The following GBP6 variants were observed in gnomAD, a reference collection of about 807,000 sequenced individuals.
The protein encoded by GBP6 is guanylate-binding protein 6.
Under a neutral mutation model 61.5 loss-of-function variants are expected in GBP6, and 54 were observed. The ratio of observed to expected loss-of-function variants is 0.88; its 90% CI spans 0.71 to 1.10. The LOEUF (loss-of-function observed/expected upper bound fraction) is 1.10, where lower values mean the gene tolerates loss of function less well. Ranked by LOEUF, GBP6 falls within the 50% of genes least tolerant of loss-of-function variation. The pLI is 0.00. For synonymous variants in GBP6, 255 were observed against 273.7 expected, an observed-to-expected ratio of 0.93 and a Z score of 0.67; for missense variants, 748 against 752.8, an observed-to-expected ratio of 0.99 and a Z score of 0.07.
intron 3 of GBP6, among the ~76,000 whole-genome samples, chr1:89,375,653 A>T (rs1250008292): frequency 6.6e-6 from 1 of 152,032 alleles, no homozygotes; most frequent in Non-Finnish European, 1.5e-5. Context: ...TTTGGATATT[A>T]GCCCCTTATC....
intron 3 of GBP6, among the ~76,000 whole-genome samples, chr1:89,373,793 A>G (rs1018914079): frequency 2.4e-4 from 36 of 152,076 alleles, no homozygotes; most frequent in Non-Finnish European, 4.3e-4. Flanking sequence ...GTGCACATGT[A>G]CCCTAGAACT....
chr1:89,387,249 A>G lies in GBP6; in HGVS notation c.*1780A>G, dbSNP rs1653168712. On this transcript the variant is annotated 3_prime_UTR_variant, in exon 11 of 11. Transcript: ENST00000370456. ...ATCCATATACTAGGGAAATACAAAC[A>G]CCCAAATATTTCAAGGACCCTTGGA... 6.6e-6 allele frequency among the ~76,000 whole-genome samples: 1 copy of G among 152,040 alleles called. No homozygotes were observed. The highest frequency in any genetic ancestry group is 1.5e-5 in the Non-Finnish European group (1 of 68,008).
intron 3 of GBP6, among the ~76,000 whole-genome samples, chr1:89,374,346 TATATTTAAATATTCATACTTCC>T (rs1156233997): frequency 1.3e-5 from 2 of 152,230 alleles, no homozygotes; most frequent in Non-Finnish European, 2.9e-5. Context: ...TTATTATGGA[TATATTTAAATATTCATACTTCC>T]ATATTTAAAT....
chr1:89,378,216 T>C lies in GBP6; in HGVS notation c.428+4T>C. 2 of 1,607,402 alleles carry C rather than the reference T, an allele frequency of 1.2e-6. No homozygotes were observed. Among genetic ancestry groups the C allele is most frequent in the South Asian group, 2.2e-5 (2 of 89,832 alleles). ...ACCAGGCCCTGGAGCAGCTGCAGTATCCTTCCAGGAACAGAACAGAACCAC... is the reference window on the plus strand; with the variant it reads ...ACCAGGCCCTGGAGCAGCTGCAGTACCCTTCCAGGAACAGAACAGAACCAC... On this transcript the variant is annotated splice_donor_region_variant and intron_variant, in intron 4 of 10. Coordinates refer to ENST00000370456, the MANE Select transcript of GBP6 (RefSeq NM_198460.3).
At chr1:89,380,755 A>T in intron 6 of GBP6, 124 bp downstream of exon 6, 1 of 814,946 alleles carries the variant, frequency 1.2e-6, no homozygotes, top group Non-Finnish European at 1.9e-6. Context: ...ATTCACACTC[A>T]GTGAAGAAAT....
chr1:89,376,870 G>A (rs1378390263), intron 3 of GBP6, among the ~76,000 whole-genome samples: 1 of 151,958 alleles, frequency 6.6e-6, no homozygotes, highest in East Asian at 1.9e-4. Context: ...AATGTCTTTG[G>A]GATTTTTATA....
At chr1:89,369,472 G>A in intron 2 of GBP6, 74 bp from the exon 3 acceptor site, 2 of 1,547,726 alleles carry the variant, frequency 1.3e-6, no homozygotes, top group Non-Finnish European at 1.7e-6. Context: ...AATCCAACCA[G>A]TCTGATGCTG....
At chr1:89,367,146 C>G (rs763351634) in intron 1 of GBP6, among the ~76,000 whole-genome samples, 14 of 152,070 alleles carry the variant, frequency 9.2e-5, no homozygotes, top group Admixed American at 6.6e-5. Context: ...TGAGTCCCTG[C>G]CTTTAATTTT....
intron 1 of GBP6, among the ~76,000 whole-genome samples, chr1:89,365,809 C>T (rs1652452980): frequency 6.6e-6 from 1 of 152,162 alleles, no homozygotes; most frequent in African/African-American, 2.4e-5. Flanking sequence ...AGCTTGACCT[C>T]CTTGGTCAAG....
At position 89,381,859 on chromosome 1, in the gene GBP6, C is replaced by T. The variant is rs1466492418; in HGVS notation, c.1037C>T (p.Thr346Ile). 6.2e-7 allele frequency: 1 copy of T among 1,614,146 alleles called. No homozygotes were observed. Residue 346 changes from threonine to isoleucine, a missense_variant, in exon 7 of 11, where the codon ACA (threonine) becomes ATA (isoleucine). Thr to Ile is a moderately conservative substitution (Grantham distance 89). Coordinates refer to ENST00000370456, the MANE Select transcript of GBP6 (RefSeq NM_198460.3). Reference protein sequence around the residue: ...QQMAQRVKLPTDTLQELLDMH... With the variant: ...QQMAQRVKLPIDTLQELLDMH... ...ATGGCCCAGCGAGTGAAGCTCCCCACAGACACGCTCCAGGAGCTGCTGGAC... is the reference window on the plus strand; with the variant it reads ...ATGGCCCAGCGAGTGAAGCTCCCCATAGACACGCTCCAGGAGCTGCTGGAC...
rs180752467 is a variant in GBP6, at chr1:89,366,323, C to T, written c.-24+2196C>T. Among the ~76,000 whole-genome samples, 80 of 152,228 alleles carry T rather than the reference C, an allele frequency of 5.3e-4. No homozygotes were observed. In the Middle Eastern group the frequency reaches 0.017, roughly 32 times the overall value. On this transcript the variant is annotated intron_variant, in intron 1 of 10. Coordinates refer to ENST00000370456, the MANE Select transcript of GBP6 (RefSeq NM_198460.3). ...CAGAGAACCTGACCCTTCTAGGCTA[C>T]GTATTTCAGCCTGTACTTGAATTCT...
chr1:89,386,849 C>T lies in GBP6; in HGVS notation c.*1380C>T, dbSNP rs961111607. ...AACCCCCTGATGGGGGATGATAGAC[C>T]CAGACACATAGAGGCCTGGTGTTGA... On this transcript the variant is annotated 3_prime_UTR_variant, in exon 11 of 11. Coordinates refer to ENST00000370456, the MANE Select transcript of GBP6 (RefSeq NM_198460.3). 6.6e-6 allele frequency among the ~76,000 whole-genome samples: 1 copy of T among 152,074 alleles called. No homozygotes were observed. Among genetic ancestry groups the T allele is most frequent in the African/African-American group, 2.4e-5 (1 of 41,402 alleles).
chr1:89,372,353 C>T (rs1486846930), intron 3 of GBP6, among the ~76,000 whole-genome samples: 1 of 152,188 alleles, frequency 6.6e-6, no homozygotes, highest in East Asian at 1.9e-4. Flanking sequence ...CCCACATTGC[C>T]AAGACAGTCC....
intron 10 of GBP6, among the ~76,000 whole-genome samples, chr1:89,384,853 C>T (rs1022725554): frequency 6.6e-6 from 1 of 152,064 alleles, no homozygotes; most frequent in African/African-American, 2.4e-5. Context: ...TGAAAGTTCT[C>T]TCATAAGGGA....
At chr1:89,377,849 G>C (rs1194789822) in intron 3 of GBP6, among the ~76,000 whole-genome samples, 1 of 152,130 alleles carries the variant, frequency 6.6e-6, no homozygotes, top group Non-Finnish European at 1.5e-5. Flanking sequence ...TATTGTACTA[G>C]TTTTTCCATA....
intron 2 of GBP6, among the ~76,000 whole-genome samples, chr1:89,369,256 T>C (rs1652551766): frequency 6.6e-6 from 1 of 152,226 alleles, no homozygotes; most frequent in South Asian, 2.1e-4. Context: ...TCTCTGACTT[T>C]GAACCCCACC....
intron 3 of GBP6, among the ~76,000 whole-genome samples, chr1:89,371,871 A>C (rs951586362): frequency 2.0e-5 from 3 of 152,210 alleles, no homozygotes; most frequent in Admixed American, 6.5e-5. Context: ...AGGAAGTCAA[A>C]TTGTCCCTGT....
chr1:89,378,114 G>A lies in GBP6; in HGVS notation c.330G>A (p.Lys110=). The change falls in exon 4 of 11, where the codon AAG becomes AAA. Residue 110 remains lysine, a synonymous_variant. Coordinates refer to ENST00000370456, the MANE Select transcript of GBP6 (RefSeq NM_198460.3). ...GLGDVEKGDP[K]NDSWIFALAV... Reference sequence around the variant, plus strand: ...AATGTGCTTTTTAGGGTGACCCTAAGAATGACTCCTGGATCTTTGCCCTGG... The same window carrying A: ...AATGTGCTTTTTAGGGTGACCCTAAAAATGACTCCTGGATCTTTGCCCTGG... The A allele has an allele frequency of 6.2e-7, 1 of 1,612,552 alleles. No homozygotes were observed. The highest frequency in any genetic ancestry group is 8.5e-7 in the Non-Finnish European group (1 of 1,179,638).
chr1:89,373,728 T>C (rs906006928), intron 3 of GBP6, among the ~76,000 whole-genome samples: 23 of 152,070 alleles, frequency 1.5e-4, no homozygotes, highest in Non-Finnish European at 2.8e-4. Flanking sequence ...GATGAGTTAA[T>C]GGGTGCAGCA....
Sources: gnomAD v4.1 joint callset for allele counts (sites outside exome capture counted in the v4.1 genomes callset) on GRCh38, gnomAD v4.1.1 for gene constraint, MANE v1.5 for transcripts, NCBI Gene and HGNC (gene_info 2026-07-23, HGNC 2026-07-21) for gene names.